Variants in BAIAP2 observed in about 807,000 individuals in gnomAD.
BAIAP2 encodes BAR/IMD domain-containing adapter protein 2.
BAIAP2 carries 18 observed loss-of-function variants against 63.0 expected under a neutral mutation model. The observed-to-expected ratio is 0.29, with a 90% CI of 0.20 to 0.42. BAIAP2 has a LOEUF of 0.42. Ranked by LOEUF, BAIAP2 falls within the 10% of genes least tolerant of loss-of-function variation. The probability of loss-of-function intolerance (pLI) is 1.00; values close to 1 mark genes in which losing one functional copy is unlikely to be tolerated. For synonymous variants in BAIAP2, 386 were observed against 307.6 expected, an observed-to-expected ratio of 1.25 and a Z score of -2.67; for missense variants, 610 against 734.3, an observed-to-expected ratio of 0.83 and a Z score of 1.96.
chr17:81,050,073 G>A (rs983340647), intron 1 of BAIAP2, among the ~76,000 whole-genome samples: 1 of 152,240 alleles, frequency 6.6e-6, no homozygotes, highest in African/African-American at 2.4e-5. Flanking sequence ...CCTGGGAGAG[G>A]GAGGAACCCG....
chr17:81,108,924 C>A, intron 13 of BAIAP2: 1 of 1,535,566 alleles, frequency 6.5e-7, no homozygotes. Flanking sequence ...TGTGGCTGGG[C>A]AGCGTCGTGC....
chr17:81,103,966 G>A lies in BAIAP2; in HGVS notation c.924G>A (p.Glu308=), dbSNP rs758423099. The part of the protein sequence containing the change: ...IMNGVTGPDG[E]DYSPWADRKA... Reference sequence around the variant, plus strand: ...ACGGCGTCACAGGCCCGGATGGCGAGGACTACAGCCCGTGGGCTGACCGCA... The same window carrying A: ...ACGGCGTCACAGGCCCGGATGGCGAAGACTACAGCCCGTGGGCTGACCGCA... The change falls in exon 9 of 14, where the codon GAG becomes GAA. Residue 308 remains glutamate, a synonymous_variant. Coordinates refer to ENST00000428708, the MANE Select transcript of BAIAP2 (RefSeq NM_001144888.2). 6.8e-6 allele frequency: 11 copies of A among 1,613,102 alleles called. No individual in the cohort carries two copies. In the South Asian group the frequency reaches 1.1e-4, roughly 16 times the overall value.
At chr17:81,104,244 A>G in intron 9 of BAIAP2, 136 bp downstream of exon 9, 2 of 1,007,360 alleles carry the variant, frequency 2.0e-6, no homozygotes, top group Non-Finnish European at 2.9e-6. Context: ...ACCTACATGC[A>G]TGTGGTACAC....
intron 2 of BAIAP2, among the ~76,000 whole-genome samples, chr17:81,054,472 C>T (rs1025184339): frequency 5.3e-5 from 8 of 152,306 alleles, no homozygotes; most frequent in Admixed American, 3.9e-4. Flanking sequence ...GTAGCCCATG[C>T]ATTCTGGACT....
intron 6 of BAIAP2, among the ~76,000 whole-genome samples, chr17:81,094,277 C>T (rs542966823): frequency 2.6e-5 from 4 of 152,186 alleles, no homozygotes; most frequent in East Asian, 3.8e-4. Flanking sequence ...TGGACAGAAG[C>T]GACCTGCTGT....
Position 81,099,910 on chromosome 17 carries a change from C to T in BAIAP2, c.490-18C>T. The T allele has an allele frequency of 6.2e-7, 1 of 1,608,614 alleles. No individual in the cohort carries two copies. Among genetic ancestry groups the T allele is most frequent in the Non-Finnish European group, 8.5e-7 (1 of 1,176,520 alleles). ...TCCTTCCATCGCTGGCTGAGCCTTT[C>T]TCCCTTTCCCTCCACAGTACATCGA... is the stretch of plus-strand genomic sequence containing the variant. On this transcript the variant is annotated intron_variant, in intron 6 of 13. Coordinates refer to ENST00000428708, the MANE Select transcript of BAIAP2 (RefSeq NM_001144888.2).
intron 7 of BAIAP2, 56 bp downstream of exon 7, chr17:81,100,136 C>G: frequency 6.4e-7 from 1 of 1,553,800 alleles, no homozygotes; most frequent in East Asian, 2.3e-5. Flanking sequence ...GCAGAAATGA[C>G]CCAGGCCCCT....
At chr17:81,102,998 G>C (rs912283845) in intron 7 of BAIAP2, among the ~76,000 whole-genome samples, 2 of 152,250 alleles carry the variant, frequency 1.3e-5, no homozygotes, top group African/African-American at 4.8e-5. Context: ...GCAGGCCGCA[G>C]AGTACGCCCG....
At chr17:81,093,536 C>CCTGG in intron 6 of BAIAP2, among the ~76,000 whole-genome samples, 1 of 152,230 alleles carries the variant, frequency 6.6e-6, no homozygotes, top group East Asian at 1.9e-4. Flanking sequence ...GCCCCGCATC[C>CCTGG]CTGGGGATGC....
intron 3 of BAIAP2, among the ~76,000 whole-genome samples, chr17:81,070,210 C>T (rs943605551): frequency 8.5e-5 from 13 of 152,168 alleles, no homozygotes; most frequent in African/African-American, 1.4e-4. Flanking sequence ...CCTCCTATCT[C>T]GGCCTCCCAA....
intron 13 of BAIAP2, among the ~76,000 whole-genome samples, chr17:81,113,503 C>A (rs576984528): frequency 6.6e-6 from 1 of 152,332 alleles, no homozygotes; most frequent in African/African-American, 2.4e-5. Flanking sequence ...GCGCGTCTTT[C>A]CCAGACAGCT....
intron 2 of BAIAP2, among the ~76,000 whole-genome samples, chr17:81,055,546 C>T (rs914658147): frequency 2.6e-4 from 26 of 98,704 alleles, no homozygotes; most frequent in Admixed American, 1.5e-3. Flanking sequence ...AGCTGTCCTT[C>T]CTCCAGCGAA....
At chr17:81,036,474 C>T (rs1389151072) in intron 1 of BAIAP2, among the ~76,000 whole-genome samples, 3 of 152,262 alleles carry the variant, frequency 2.0e-5, no homozygotes, top group Non-Finnish European at 2.9e-5. Context: ...GCCCTCTTAG[C>T]TCTCAGGCTT....
intron 1 of BAIAP2, among the ~76,000 whole-genome samples, chr17:81,039,601 G>T (rs2046807542): frequency 6.6e-6 from 1 of 152,196 alleles, no homozygotes; most frequent in South Asian, 2.1e-4. Flanking sequence ...TGCCCGAGTG[G>T]ACCTGAGGTT....
intron 13 of BAIAP2, chr17:81,109,744 C>G (rs2059672101): frequency 1.0e-6 from 1 of 985,320 alleles, no homozygotes; most frequent in Non-Finnish European, 1.2e-6. Context: ...CTGGCGGGAG[C>G]AAGGTCGGGG....
At chr17:81,064,412 C>G (rs1232023140) in intron 3 of BAIAP2, among the ~76,000 whole-genome samples, 3 of 152,240 alleles carry the variant, frequency 2.0e-5, no homozygotes, top group Non-Finnish European at 2.9e-5. Context: ...CCCGCTCCCC[C>G]TTTCCCTGCA....
intron 7 of BAIAP2, among the ~76,000 whole-genome samples, chr17:81,103,001 T>A (rs1039874553): frequency 1.3e-5 from 2 of 152,128 alleles, no homozygotes; most frequent in African/African-American, 2.4e-5. Flanking sequence ...GGCCGCAGAG[T>A]ACGCCCGAGG....
chr17:81,048,728 G>A (rs1282065169), intron 1 of BAIAP2, among the ~76,000 whole-genome samples: 1 of 152,178 alleles, frequency 6.6e-6, no homozygotes, highest in Non-Finnish European at 1.5e-5. Context: ...ATGCATAGCT[G>A]GGGTCCCTGG....
At chr17:81,040,278 C>T (rs1172605051) in intron 1 of BAIAP2, among the ~76,000 whole-genome samples, 1 of 152,240 alleles carries the variant, frequency 6.6e-6, no homozygotes, top group Non-Finnish European at 1.5e-5. Flanking sequence ...CCCGTGGTCC[C>T]CTGGAAGCTC....
Sources: allele counts gnomAD v4.1 joint callset (sites outside exome capture counted in the v4.1 genomes callset), GRCh38; gene constraint gnomAD v4.1.1; transcripts MANE v1.5; gene names NCBI Gene and HGNC (gene_info 2026-07-23, HGNC 2026-07-21).